Variants in STAU1 observed in about 807,000 individuals in gnomAD.
STAU1 encodes the protein staufen double-stranded RNA binding protein 1, also known as double-stranded RNA-binding protein Staufen homolog 1.
STAU1 carries 13 observed loss-of-function variants against 62.9 expected under a neutral mutation model. The ratio of observed to expected loss-of-function variants is 0.21; its 90% CI spans 0.13 to 0.33. The LOEUF is 0.33. Among genes scored for constraint, STAU1 ranks in the 10% least tolerant of loss-of-function variants. The pLI, the probability that STAU1 is intolerant of heterozygous loss-of-function variation, is 1.00. For synonymous variants in STAU1, 269 were observed against 265.1 expected (o/e 1.01, Z -0.14); for missense variants, 571 against 712.1 (o/e 0.80, Z 2.25).
chr20:49,119,917 G>A lies in STAU1; in HGVS notation c.1113+65C>T. 1.9e-6 allele frequency: 3 copies of A among 1,560,980 alleles called. No homozygotes were observed. The South Asian group carries it at 3.6e-5, about 19-fold the overall frequency. On this transcript the variant is annotated intron_variant, in intron 9 of 13. Coordinates refer to ENST00000371856, the MANE Select transcript of STAU1 (RefSeq NM_017453.4). ...CCTTGCCTTGAAGCCTGCCCCTGGA[G>A]GTGCCCCAGTTCCCTAGGGTGAGGC...
intron 6 of STAU1, among the ~76,000 whole-genome samples, chr20:49,131,297 G>T (rs76849857): frequency 6.6e-6 from 1 of 152,082 alleles, no homozygotes; most frequent in African/African-American, 2.4e-5. Context: ...ACACTAGAGC[G>T]GAAGAAACAT....
chr20:49,134,784 G>A (rs879121762), intron 6 of STAU1: 2 of 1,226,836 alleles, frequency 1.6e-6, no homozygotes, highest in Non-Finnish European at 2.4e-6. Context: ...GGAATCATTA[G>A]TTTTCCCATT....
chr20:49,181,640 A>G (rs1337768875), intron 1 of STAU1, among the ~76,000 whole-genome samples: 1 of 151,698 alleles, frequency 6.6e-6, no homozygotes, highest in African/African-American at 2.4e-5. Flanking sequence ...GTGGTGCTCA[A>G]TTGTAGTCTC....
chr20:49,202,367 G>T, the STAU1 span, among the ~76,000 whole-genome samples: 1 of 152,042 alleles, frequency 6.6e-6, no homozygotes, highest in Non-Finnish European at 1.5e-5. Flanking sequence ...TTCGAGATCA[G>T]CCTGGCCAAC....
At chr20:49,186,289 T>C (rs1299690531) in intron 1 of STAU1, among the ~76,000 whole-genome samples, 3 of 150,450 alleles carry the variant, frequency 2.0e-5, no homozygotes, top group African/African-American at 2.5e-5. Context: ...GAGGTTGAAA[T>C]GAGCCGAAAT....
At chr20:49,187,837 T>C (rs958120524) in intron 1 of STAU1, among the ~76,000 whole-genome samples, 3 of 134,678 alleles carry the variant, frequency 2.2e-5, no homozygotes, top group Non-Finnish European at 4.7e-5. Context: ...GCGCGCGCCA[T>C]GCGGGACGAG....
chr20:49,216,056 AAG>A, the STAU1 span, among the ~76,000 whole-genome samples: 4 of 150,796 alleles, frequency 2.7e-5, no homozygotes, highest in African/African-American at 9.7e-5. Flanking sequence ...AAGAAAAAAA[AAG>A]AAGAAGAGAA....
At chr20:49,211,427 G>A in the STAU1 span, among the ~76,000 whole-genome samples, 1 of 150,336 alleles carries the variant, frequency 6.7e-6, no homozygotes, top group African/African-American at 2.5e-5. Flanking sequence ...CTGGAGTGTA[G>A]TGGCTATTCA....
At chr20:49,181,859 C>T (rs1202717120) in intron 1 of STAU1, among the ~76,000 whole-genome samples, 1 of 150,384 alleles carries the variant, frequency 6.6e-6, no homozygotes, top group African/African-American at 2.4e-5. Flanking sequence ...GGAAAAGACC[C>T]CAATGTATTT....
At position 49,124,606 on chromosome 20, in the gene STAU1, C is replaced by T. The variant is rs1218281460; in HGVS notation, c.610-19G>A. On this transcript the variant is annotated intron_variant, in intron 6 of 13. Transcript: ENST00000371856. ...GGGCCACCTGTTTCAGAGGGAAAGA[C>T]TGAGTGAAAGCGGACAGACACTTAT... The T allele has an allele frequency of 6.2e-7, 1 of 1,612,896 alleles. No homozygotes were observed. Among genetic ancestry groups the T allele is most frequent in the South Asian group, 1.1e-5 (1 of 91,068 alleles).
the STAU1 span, among the ~76,000 whole-genome samples, chr20:49,194,442 AAAAAAG>A: frequency 6.7e-6 from 1 of 148,966 alleles, no homozygotes; most frequent in Non-Finnish European, 1.5e-5. Context: ...AAAAAAAAAA[AAAAAAG>A]AAAAGAAAAA....
chr20:49,178,469 G>T (rs2093685523), intron 1 of STAU1, among the ~76,000 whole-genome samples: 1 of 151,824 alleles, frequency 6.6e-6, no homozygotes, highest in Admixed American at 6.6e-5. Context: ...CAAAAATTAG[G>T]CCGGCGCAGT....
chr20:49,142,307 C>T (rs747001666), intron 5 of STAU1, among the ~76,000 whole-genome samples: 2 of 152,062 alleles, frequency 1.3e-5, no homozygotes, highest in East Asian at 1.9e-4. Flanking sequence ...AGGCTGATCT[C>T]GAACTCCTGA....
At chr20:49,115,996 T>G in intron 12 of STAU1, 129 bp from the exon 13 acceptor site, 1 of 665,756 alleles carries the variant, frequency 1.5e-6, no homozygotes, top group South Asian at 1.9e-5. Flanking sequence ...ACTCTGGTAC[T>G]ACTAAATAAA....
chr20:49,209,495 A>C, the STAU1 span, among the ~76,000 whole-genome samples: 1 of 151,196 alleles, frequency 6.6e-6, no homozygotes, highest in Non-Finnish European at 1.5e-5. Flanking sequence ...CTGTAATCTC[A>C]CAGTTTGCGA....
At chr20:49,116,306 G>A (rs2092323167) in intron 12 of STAU1, among the ~76,000 whole-genome samples, 1 of 151,832 alleles carries the variant, frequency 6.6e-6, no homozygotes, top group Admixed American at 6.6e-5. Context: ...GGCCTATCAT[G>A]TATTTTTCTT....
At chr20:49,123,316 G>A (rs1208608902) in intron 7 of STAU1, 81 bp from the exon 8 acceptor site, 1 of 1,595,218 alleles carries the variant, frequency 6.3e-7, no homozygotes, top group Non-Finnish European at 8.6e-7. Context: ...GATATGAGAG[G>A]AGATAAGAGA....
At chr20:49,206,053 G>A in the STAU1 span, among the ~76,000 whole-genome samples, 1,975 of 146,942 alleles carry the variant, frequency 0.013, 52 homozygotes, top group African/African-American at 0.047. Flanking sequence ...GCACGATCTC[G>A]GCTCACTGTA....
At chr20:49,172,102 C>T (rs986024250) in intron 2 of STAU1, among the ~76,000 whole-genome samples, 1 of 152,180 alleles carries the variant, frequency 6.6e-6, no homozygotes, top group African/African-American at 2.4e-5. Flanking sequence ...AATGTGGTCC[C>T]TGTCTCACAC....
Sources: gnomAD v4.1 joint callset for allele counts (sites outside exome capture counted in the v4.1 genomes callset) on GRCh38, gnomAD v4.1.1 for gene constraint, MANE v1.5 for transcripts, NCBI Gene and HGNC (gene_info 2026-07-23, HGNC 2026-07-21) for gene names.